RBMS3: variants seen among roughly 807,000 people sequenced by gnomAD.
RBMS3 encodes the protein RNA-binding motif, single-stranded-interacting protein 3.
Under a neutral mutation model 66.8 loss-of-function variants are expected in RBMS3, and 27 were observed. That is an observed-to-expected ratio of 0.40 (90% CI 0.30 to 0.56). The LOEUF is 0.56. Among genes scored for constraint, RBMS3 ranks in the 20% least tolerant of loss-of-function variants. The pLI is 0.40. For missense variants in RBMS3, 513 were observed against 549.5 expected (o/e 0.93, Z 0.66); for synonymous variants, 188 against 183.0 (o/e 1.03, Z -0.22).
At chr3:29,674,873 T>A (rs138257642) in intron 4 of RBMS3, among the ~76,000 whole-genome samples, 2 of 151,950 alleles carry the variant, frequency 1.3e-5, no homozygotes, top group Non-Finnish European at 2.9e-5. Context: ...AAGCAACCAA[T>A]TACTTTCTTC....
At chr3:29,290,591 G>C (rs2032732300) in intron 1 of RBMS3, 1 of 151,740 alleles carries the variant, frequency 6.6e-6, no homozygotes, top group Non-Finnish European at 1.5e-5. Context: ...AGGTAGGTAG[G>C]GAATCCTGGA....
chr3:29,449,456 T>A (rs1356592345), intron 2 of RBMS3, among the ~76,000 whole-genome samples: 1 of 152,256 alleles, frequency 6.6e-6, no homozygotes, highest in Non-Finnish European at 1.5e-5. Context: ...TGCCCATTGA[T>A]GCAGTTTAAA....
chr3:29,736,226 CT>C lies in RBMS3; in HGVS notation c.400-3493del, dbSNP rs1334009984. ...AAAGAACAGAATTACTTAAATAACA[CT>C]CCCCAATGTCATATTCTTTCTGTGA... On this transcript the variant is annotated intron_variant, in intron 4 of 14. Transcript: ENST00000383767. 1.4e-4 allele frequency among the ~76,000 whole-genome samples: 21 copies of C among 152,278 alleles called. No individual in the cohort carries two copies. In the South Asian group the frequency reaches 3.5e-3, roughly 26 times the overall value.
chr3:30,007,927 C>A lies in RBMS3; in HGVS notation c.*4065C>A, dbSNP rs942555891. The stretch of plus-strand genomic sequence containing the variant: ...AACTGCATGGTGTTAAAAGCACTCT[C>A]ATTAGAAATATAAGGCTGAGAACTG... On this transcript the variant is annotated 3_prime_UTR_variant, in exon 15 of 15. Coordinates refer to ENST00000383767, the MANE Select transcript of RBMS3 (RefSeq NM_001003793.3). The A allele has an allele frequency of 2.0e-5, 3 of 152,006 alleles. No individual in the cohort carries two copies. The highest frequency in any genetic ancestry group is 4.4e-5 in the Non-Finnish European group (3 of 67,948). 9.4% of individuals were successfully genotyped at this position (152,006 alleles called of 1,614,324 possible). A position where few individuals can be genotyped will look rare whatever the true frequency, so the allele number is the denominator to read the frequency against.
At chr3:29,868,795 C>T (rs2059419977) in intron 6 of RBMS3, 63 bp from the exon 7 acceptor site, 2 of 1,339,092 alleles carry the variant, frequency 1.5e-6, no homozygotes, top group Non-Finnish European at 2.1e-6. Flanking sequence ...TACTGTGACT[C>T]ACATAATCAC....
At chr3:29,380,709 T>G (rs1445094902) in intron 1 of RBMS3, among the ~76,000 whole-genome samples, 1 of 152,234 alleles carries the variant, frequency 6.6e-6, no homozygotes, top group Non-Finnish European at 1.5e-5. Context: ...TCAGTGGTAT[T>G]CAAAGTGTAG....
At chr3:29,888,467 C>A (rs1325094782) in intron 8 of RBMS3, among the ~76,000 whole-genome samples, 1 of 151,602 alleles carries the variant, frequency 6.6e-6, no homozygotes, top group Non-Finnish European at 1.5e-5. Flanking sequence ...ACCAAATAAT[C>A]CTACCCACTT....
At chr3:29,917,139 A>T (rs1426704537) in intron 10 of RBMS3, among the ~76,000 whole-genome samples, 1 of 152,086 alleles carries the variant, frequency 6.6e-6, no homozygotes, top group Non-Finnish European at 1.5e-5. Flanking sequence ...ATACAAAACC[A>T]AACCAAAAAA....
chr3:29,640,953 T>C (rs867166994), intron 4 of RBMS3: 2 of 151,958 alleles, frequency 1.3e-5, no homozygotes, highest in African/African-American at 4.8e-5. Flanking sequence ...TTTGTGAGAA[T>C]TACATGATAA....
chr3:29,581,120 A>C (rs975267726), intron 3 of RBMS3, among the ~76,000 whole-genome samples: 1 of 152,106 alleles, frequency 6.6e-6, no homozygotes, highest in African/African-American at 2.4e-5. Flanking sequence ...ATTTTTTCAC[A>C]AATCTAAGGT....
At chr3:29,356,101 C>T (rs1386590969) in intron 1 of RBMS3, among the ~76,000 whole-genome samples, 1 of 152,164 alleles carries the variant, frequency 6.6e-6, no homozygotes, top group Non-Finnish European at 1.5e-5. Context: ...GAGTTAACTA[C>T]ACGTAGATAT....
At chr3:29,760,016 A>G (rs542041267) in intron 5 of RBMS3, among the ~76,000 whole-genome samples, 28 of 152,220 alleles carry the variant, frequency 1.8e-4, no homozygotes, top group Non-Finnish European at 3.7e-4. Flanking sequence ...TTAAATCTGA[A>G]TGAACCCAAA....
intron 3 of RBMS3, among the ~76,000 whole-genome samples, chr3:29,519,421 G>A (rs1010069052): frequency 1.3e-5 from 2 of 152,126 alleles, no homozygotes; most frequent in African/African-American, 4.8e-5. Context: ...CGACCTCCAA[G>A]CAACTGTCTT....
At chr3:29,634,502 C>G (rs1240142678) in intron 4 of RBMS3, among the ~76,000 whole-genome samples, 1 of 151,832 alleles carries the variant, frequency 6.6e-6, no homozygotes, top group Non-Finnish European at 1.5e-5. Flanking sequence ...CCCCTCATCA[C>G]TAACAAATGG....
chr3:29,680,221 T>A (rs2051430066), intron 4 of RBMS3, among the ~76,000 whole-genome samples: 1 of 152,070 alleles, frequency 6.6e-6, no homozygotes. Flanking sequence ...AGGAAAAAAA[T>A]AAATAAGATC....
At chr3:29,884,756 A>C (rs1577067687) in intron 8 of RBMS3, among the ~76,000 whole-genome samples, 1 of 151,968 alleles carries the variant, frequency 6.6e-6, no homozygotes, top group East Asian at 1.9e-4. Context: ...CAAGTGTGAA[A>C]CTACATGGTG....
chr3:29,467,901 G>C (rs957271162), intron 2 of RBMS3, among the ~76,000 whole-genome samples: 1 of 152,122 alleles, frequency 6.6e-6, no homozygotes, highest in Non-Finnish European at 1.5e-5. Context: ...GGAAATATTA[G>C]CTTTCCAAAA....
chr3:29,610,776 A>G (rs2048465276), intron 4 of RBMS3, among the ~76,000 whole-genome samples: 1 of 152,112 alleles, frequency 6.6e-6, no homozygotes, highest in Admixed American at 6.6e-5. Context: ...ATAGAGCATG[A>G]CACCATATTT....
intron 1 of RBMS3, among the ~76,000 whole-genome samples, chr3:29,428,276 G>T (rs562839659): frequency 6.6e-6 from 1 of 152,136 alleles, no homozygotes; most frequent in East Asian, 1.9e-4. Context: ...TCACAACTTT[G>T]GGAGAGGGCA....
Sources: allele counts gnomAD v4.1 joint callset (sites outside exome capture counted in the v4.1 genomes callset), GRCh38; gene constraint gnomAD v4.1.1; transcripts MANE v1.5; gene names NCBI Gene and HGNC (gene_info 2026-07-23, HGNC 2026-07-21).